Variants in LDLRAD4 observed in about 807,000 individuals in gnomAD.
LDLRAD4 encodes the protein low-density lipoprotein receptor class A domain-containing protein 4.
Under a neutral mutation model 17.0 loss-of-function variants are expected in LDLRAD4, and 5 were observed. The observed-to-expected ratio is 0.29, with a 90% CI of 0.15 to 0.62. LDLRAD4 has a LOEUF of 0.62. Ranked by LOEUF, LDLRAD4 falls within the 20% of genes least tolerant of loss-of-function variation. The probability of loss-of-function intolerance (pLI) is 0.84; values close to 1 mark genes in which losing one functional copy is unlikely to be tolerated. For synonymous variants in LDLRAD4, 168 were observed against 171.8 expected, an observed-to-expected ratio of 0.98 and a Z score of 0.17; for missense variants, 340 against 424.7, an observed-to-expected ratio of 0.80 and a Z score of 1.75.
intron 3 of LDLRAD4, among the ~76,000 whole-genome samples, chr18:13,571,433 A>G (rs891733978): frequency 2.0e-5 from 3 of 152,108 alleles, no homozygotes; most frequent in Admixed American, 2.0e-4. Flanking sequence ...GATATTACTA[A>G]GAAGCAAGCA....
At chr18:13,385,277 A>G (rs891808981) in intron 1 of LDLRAD4, among the ~76,000 whole-genome samples, 8 of 152,314 alleles carry the variant, frequency 5.3e-5, no homozygotes, top group African/African-American at 9.6e-5. Context: ...CCATTTGTAT[A>G]TCTTCTTTTG....
At chr18:13,305,271 C>T (rs140797194) in intron 1 of LDLRAD4, among the ~76,000 whole-genome samples, 2 of 152,176 alleles carry the variant, frequency 1.3e-5, no homozygotes, top group African/African-American at 2.4e-5. Context: ...CATTTGCAGT[C>T]GAGAAATGTA....
At chr18:13,608,316 G>A (rs575734455) in intron 3 of LDLRAD4, among the ~76,000 whole-genome samples, 4 of 152,192 alleles carry the variant, frequency 2.6e-5, no homozygotes, top group South Asian at 2.1e-4. Context: ...AAGCACCCGC[G>A]GTGGGGCAGG....
At chr18:13,268,765 C>A (rs2044362033) in intron 1 of LDLRAD4, among the ~76,000 whole-genome samples, 1 of 152,168 alleles carries the variant, frequency 6.6e-6, no homozygotes, top group South Asian at 2.1e-4. Flanking sequence ...AAGTAAATGC[C>A]TTAAAATAAC....
Position 13,645,040 on chromosome 18 carries a change from AC to A in LDLRAD4, c.391-85del. ...GGTGTTCAAACTGGTAGGAACACACACCAAGCGTAACTTTCCTTGATTCTGA... is the reference window on the plus strand; with the variant it reads ...GGTGTTCAAACTGGTAGGAACACACACAAGCGTAACTTTCCTTGATTCTGA... On this transcript the variant is annotated intron_variant, in intron 5 of 5. Coordinates refer to ENST00000359446, the Ensembl canonical transcript of LDLRAD4. This position sits in a 1 kb window ranked among gnomAD's most constrained non-coding sequence, Gnocchi z 5.7. 8.9e-7 allele frequency: 1 copy of A among 1,121,074 alleles called. No homozygotes were observed. Among genetic ancestry groups the A allele is most frequent in the Non-Finnish European group, 1.3e-6 (1 of 782,704 alleles). 69.4% of individuals were successfully genotyped at this position (1,121,074 alleles called of 1,614,324 possible). A position where few individuals can be genotyped will look rare whatever the true frequency, so the allele number is the denominator to read the frequency against.
chr18:13,507,071 A>G (rs757533140), intron 3 of LDLRAD4, among the ~76,000 whole-genome samples: 5 of 152,232 alleles, frequency 3.3e-5, no homozygotes, highest in Non-Finnish European at 7.3e-5. Context: ...TATCTGTGCC[A>G]CATTTTGGCA....
At chr18:13,284,934 G>A (rs534542392) in intron 1 of LDLRAD4, among the ~76,000 whole-genome samples, 2 of 152,258 alleles carry the variant, frequency 1.3e-5, no homozygotes, top group Admixed American at 1.3e-4. Flanking sequence ...GCAGTCGCAG[G>A]GAGGGGCGTC....
At chr18:13,432,469 G>A (rs2090407187) in intron 2 of LDLRAD4, among the ~76,000 whole-genome samples, 1 of 152,236 alleles carries the variant, frequency 6.6e-6, no homozygotes, top group African/African-American at 2.4e-5. Context: ...AATAAAAAGA[G>A]TGACAGATCC....
intron 3 of LDLRAD4, chr18:13,612,454 C>G: frequency 7.7e-7 from 1 of 1,291,136 alleles, no homozygotes. Flanking sequence ...TAGCCACAGT[C>G]TGCGGTCGGA....
chr18:13,454,911 G>A lies in LDLRAD4; in HGVS notation c.181+16527G>A, dbSNP rs992139699. On this transcript the variant is annotated intron_variant, in intron 3 of 5. Coordinates refer to ENST00000359446, the Ensembl canonical transcript of LDLRAD4. ...TTCATCAGGCATCCCACTTGGCTGC[G>A]CACAGTGCTGGATCACCTGCGGCGG... is the stretch of plus-strand genomic sequence containing the variant. Among the ~76,000 whole-genome samples, 17 of 152,382 alleles carry A rather than the reference G, an allele frequency of 1.1e-4. No individual in the cohort carries two copies. In the East Asian group the frequency reaches 2.1e-3, roughly 19 times the overall value.
At chr18:13,437,965 C>A (rs778071382) in intron 2 of LDLRAD4, among the ~76,000 whole-genome samples, 2 of 152,314 alleles carry the variant, frequency 1.3e-5, no homozygotes, top group African/African-American at 2.4e-5. Flanking sequence ...AAAGAGAGCA[C>A]CTGTGCTACT....
chr18:13,613,831 T>TG (rs2039833229), intron 3 of LDLRAD4: 1 of 152,306 alleles, frequency 6.6e-6, no homozygotes, highest in African/African-American at 2.4e-5. Context: ...TAGCCGCGCC[T>TG]GGGTCACACC....
intron 1 of LDLRAD4, among the ~76,000 whole-genome samples, chr18:13,245,845 C>T (rs1289524651): frequency 2.0e-5 from 3 of 152,166 alleles, no homozygotes; most frequent in Admixed American, 6.5e-5. Flanking sequence ...TTTCTTGTCT[C>T]GGGTTGTTGA....
intron 2 of LDLRAD4, among the ~76,000 whole-genome samples, chr18:13,393,292 A>G (rs755849537): frequency 1.1e-4 from 17 of 152,280 alleles, no homozygotes; most frequent in South Asian, 6.2e-4. Flanking sequence ...AAGAAACTTA[A>G]ATCAGTTTCT....
At chr18:13,629,057 C>T (rs1435536213) in intron 4 of LDLRAD4, among the ~76,000 whole-genome samples, 1 of 152,194 alleles carries the variant, frequency 6.6e-6, no homozygotes, top group Non-Finnish European at 1.5e-5. Context: ...TCTTGAACTC[C>T]TTGCCTCAAA....
At position 13,267,417 on chromosome 18, in the gene LDLRAD4, T is replaced by G. The variant is rs567128069; in HGVS notation, c.-466-10688T>G. ...TTTATTTTAAAACCAGCATCACCCG[T>G]TCCACCTGTCACATGTGGTGGTGGA... On this transcript the variant is annotated intron_variant, in intron 1 of 5. Coordinates refer to the LDLRAD4 transcript ENST00000399848. Among the ~76,000 whole-genome samples the G allele has an allele frequency of 1.6e-4, 24 of 152,338 alleles. No homozygotes were observed. In the South Asian group the frequency reaches 4.8e-3, roughly 30 times the overall value.
intron 3 of LDLRAD4, among the ~76,000 whole-genome samples, chr18:13,571,011 G>A (rs144249774): frequency 8.1e-4 from 124 of 152,150 alleles, no homozygotes; most frequent in African/African-American, 2.7e-3. Flanking sequence ...GTGGAGATGG[G>A]GTCTTGCTAT....
At chr18:13,364,000 A>C (rs1030861091) in intron 1 of LDLRAD4, among the ~76,000 whole-genome samples, 2 of 152,226 alleles carry the variant, frequency 1.3e-5, no homozygotes, top group Non-Finnish European at 2.9e-5. Flanking sequence ...TAGTAAACAT[A>C]AATTTTAAAA....
chr18:13,253,050 C>T (rs1014995547), intron 1 of LDLRAD4, among the ~76,000 whole-genome samples: 1 of 152,184 alleles, frequency 6.6e-6, no homozygotes, highest in African/African-American at 2.4e-5. Flanking sequence ...TCTGGGCACC[C>T]TGTAACTGCT....
Sources: allele counts gnomAD v4.1 joint callset (sites outside exome capture counted in the v4.1 genomes callset), GRCh38; gene constraint gnomAD v4.1.1; non-coding constraint Gnocchi (gnomAD v3.1); transcripts MANE v1.5; gene names NCBI Gene and HGNC (gene_info 2026-07-23, HGNC 2026-07-21).